FOXP2: variants seen among roughly 807,000 people sequenced by gnomAD.
FOXP2 encodes the protein forkhead box protein P2.
Under a neutral mutation model 115.8 loss-of-function variants are expected in FOXP2, and 12 were observed. The ratio of observed to expected loss-of-function variants is 0.10; its 90% confidence interval spans 0.07 to 0.17. The LOEUF is 0.17. Among genes scored for constraint, FOXP2 ranks in the 10% least tolerant of loss-of-function variants. The probability of loss-of-function intolerance (pLI) is 1.00; values close to 1 mark genes in which losing one functional copy is unlikely to be tolerated. For missense variants in FOXP2, 629 were observed against 843.5 expected (o/e 0.75, Z 3.15); for synonymous variants, 328 against 297.7 (o/e 1.10, Z -1.05).
chr7:114,542,758 G>A (rs1799732400), intron 3 of FOXP2, among the ~76,000 whole-genome samples: 1 of 151,230 alleles, frequency 6.6e-6, no homozygotes, highest in Admixed American at 6.6e-5. Context: ...TGAAACAAAT[G>A]TGGAATAAAT....
chr7:114,363,251 G>T (rs1320930362), intron 2 of FOXP2, among the ~76,000 whole-genome samples: 1 of 152,024 alleles, frequency 6.6e-6, no homozygotes, highest in East Asian at 1.9e-4. Flanking sequence ...TGGAAGAGAA[G>T]ACATTTTAAC....
At chr7:114,430,125 T>C (rs1419929495) in intron 2 of FOXP2, among the ~76,000 whole-genome samples, 1 of 151,690 alleles carries the variant, frequency 6.6e-6, no homozygotes, top group Non-Finnish European at 1.5e-5. Flanking sequence ...TAATAGTTTA[T>C]AACAGCCACG....
At chr7:114,610,496 T>C (rs1167296655) in intron 3 of FOXP2, among the ~76,000 whole-genome samples, 1 of 152,204 alleles carries the variant, frequency 6.6e-6, no homozygotes, top group African/African-American at 2.4e-5. Flanking sequence ...ATTTTAATGT[T>C]AACATTGTAC....
chr7:114,488,328 G>C (rs1796886763), intron 2 of FOXP2, among the ~76,000 whole-genome samples: 1 of 152,186 alleles, frequency 6.6e-6, no homozygotes, highest in African/African-American at 2.4e-5. Context: ...TTCAAAATGA[G>C]ATTTGGGTGG....
At chr7:114,688,477 G>T (rs1442177674) in intron 16 of FOXP2, among the ~76,000 whole-genome samples, 3 of 152,122 alleles carry the variant, frequency 2.0e-5, no homozygotes, top group Non-Finnish European at 4.4e-5. Flanking sequence ...TAGCCCAAGA[G>T]ATGGCTGGCA....
chr7:114,501,433 C>A (rs1797562864), intron 2 of FOXP2, among the ~76,000 whole-genome samples: 1 of 152,040 alleles, frequency 6.6e-6, no homozygotes, highest in Non-Finnish European at 1.5e-5. Context: ...GCCTTAGGAG[C>A]TGCTATTTGC....
intron 3 of FOXP2, chr7:114,538,410 G>C: frequency 7.9e-7 from 1 of 1,264,898 alleles, no homozygotes; most frequent in Non-Finnish European, 1.0e-6. Context: ...TGCTATCTTA[G>C]ATGAATATTA....
chr7:114,215,793 C>T (rs1794472242), intron 1 of FOXP2, among the ~76,000 whole-genome samples: 1 of 152,110 alleles, frequency 6.6e-6, no homozygotes, highest in South Asian at 2.1e-4. Flanking sequence ...TCTACCCCCA[C>T]TTTATCAGAC....
At chr7:114,158,718 T>G (rs531890891), upstream of FOXP2, among the ~76,000 whole-genome samples, 2 of 152,246 alleles carry the variant, frequency 1.3e-5, no homozygotes, top group South Asian at 4.1e-4. Context: ...ATGCAAAAAT[T>G]TTTGTAGTCA....
At chr7:114,505,022 C>G (rs1415867969) in intron 2 of FOXP2, among the ~76,000 whole-genome samples, 2 of 151,502 alleles carry the variant, frequency 1.3e-5, no homozygotes, top group Non-Finnish European at 3.0e-5. Context: ...GTTACTTATC[C>G]ATTCAAATCA....
At chr7:114,351,702 TA>T (rs1479788853) in intron 2 of FOXP2, among the ~76,000 whole-genome samples, 3 of 152,090 alleles carry the variant, frequency 2.0e-5, no homozygotes, top group African/African-American at 7.2e-5. Context: ...TTACAATATG[TA>T]GTAAATGTTA....
chr7:114,680,201 A>T (rs543673521), intron 16 of FOXP2, among the ~76,000 whole-genome samples: 1 of 152,212 alleles, frequency 6.6e-6, no homozygotes, highest in Admixed American at 6.5e-5. Context: ...GGAGCTGGCT[A>T]TGCCTTTTTA....
intron 1 of FOXP2, among the ~76,000 whole-genome samples, chr7:114,100,688 G>A (rs2129140561): frequency 6.6e-6 from 1 of 152,230 alleles, no homozygotes; most frequent in South Asian, 2.1e-4. Flanking sequence ...ACGTGGTTAA[G>A]AATAGAGCCT....
intron 2 of FOXP2, among the ~76,000 whole-genome samples, chr7:114,364,504 A>G (rs1359680420): frequency 6.6e-6 from 1 of 152,202 alleles, no homozygotes; most frequent in Non-Finnish European, 1.5e-5. Context: ...GGTTGTTTAT[A>G]TTCAATTGAA....
chr7:114,203,994 C>T (rs1207031581), intron 1 of FOXP2, among the ~76,000 whole-genome samples: 1 of 152,088 alleles, frequency 6.6e-6, no homozygotes, highest in Admixed American at 6.5e-5. Flanking sequence ...TTAAAAAAAT[C>T]CACTTCCTCC....
intron 1 of FOXP2, among the ~76,000 whole-genome samples, chr7:114,272,553 C>T: frequency 6.6e-6 from 1 of 151,778 alleles, no homozygotes; most frequent in East Asian, 1.9e-4. Context: ...GACTCAATTT[C>T]TTTAATAGAC....
At chr7:114,355,627 A>G (rs568794916) in intron 2 of FOXP2, among the ~76,000 whole-genome samples, 58 of 152,098 alleles carry the variant, frequency 3.8e-4, no homozygotes, top group Non-Finnish European at 8.8e-5. Flanking sequence ...TCTTATCTGT[A>G]GCAAGTCATT....
At chr7:114,340,647 T>G (rs1032063817) in intron 2 of FOXP2, among the ~76,000 whole-genome samples, 39 of 151,162 alleles carry the variant, frequency 2.6e-4, no homozygotes, top group African/African-American at 9.0e-4. Flanking sequence ...TGTGGTGTGA[T>G]TTTGTAGTCA....
rs550069730 is a variant in FOXP2, at chr7:114,511,037, G to T, written c.169-23580G>T. Among the ~76,000 whole-genome samples the T allele has an allele frequency of 2.0e-5, 3 of 152,300 alleles. No homozygotes were observed. The East Asian group carries it at 5.8e-4, about 29-fold the overall frequency. On this transcript the variant is annotated intron_variant, in intron 2 of 16. Transcript: ENST00000350908. The stretch of plus-strand genomic sequence containing the variant: ...ATACTATGCAGCCATGAAAAAGGAT[G>T]CATTCATGTTCTTTGCAGGGACATG...
Sources: allele counts gnomAD v4.1 joint callset (sites outside exome capture counted in the v4.1 genomes callset), GRCh38; gene constraint gnomAD v4.1.1; transcripts MANE v1.5; gene names NCBI Gene and HGNC (gene_info 2026-07-23, HGNC 2026-07-21).